The following EGF variants were observed in gnomAD, a reference collection of about 807,000 sequenced individuals.
EGF encodes pro-epidermal growth factor.
In EGF, 95 loss-of-function variants were observed where a neutral mutation model predicts 143.8. The observed-to-expected ratio is 0.66, with a 90% confidence interval of 0.56 to 0.78. EGF has a LOEUF of 0.78. EGF is among the 30% of genes least tolerant of loss of function. The pLI, the probability that EGF is intolerant of heterozygous loss-of-function variation, is 0.00. For missense variants in EGF, 1,320 were observed against 1,470.9 expected (o/e 0.90, Z 1.68); for synonymous variants, 510 against 510.5 (o/e 1.00, Z 0.01).
chr4:109,965,822 G>A (rs1255427580), intron 10 of EGF, among the ~76,000 whole-genome samples: 1 of 152,062 alleles, frequency 6.6e-6, no homozygotes, highest in East Asian at 1.9e-4. Context: ...TAGAGTTTGA[G>A]AAGCACAGTG....
At chr4:109,919,295 C>G (rs1241897066) in intron 1 of EGF, among the ~76,000 whole-genome samples, 121 of 63,696 alleles carry the variant, frequency 1.9e-3, no homozygotes, top group African/African-American at 8.9e-3. Flanking sequence ...CTGTCTCTCT[C>G]TCTCTCTCTC....
intron 1 of EGF, among the ~76,000 whole-genome samples, chr4:109,933,236 T>G (rs909019661): frequency 2.0e-5 from 3 of 152,188 alleles, no homozygotes; most frequent in Non-Finnish European, 4.4e-5. Context: ...TCCCAAGATG[T>G]CTACGTGATT....
chr4:109,978,779 TG>T (rs973285396), intron 13 of EGF, among the ~76,000 whole-genome samples: 4 of 152,350 alleles, frequency 2.6e-5, no homozygotes, highest in Non-Finnish European at 5.9e-5. Flanking sequence ...AAAATTCCCT[TG>T]CTGTACTTAA....
chr4:109,992,505 A>C (rs967911503), intron 18 of EGF: 1 of 152,210 alleles, frequency 6.6e-6, no homozygotes, highest in African/African-American at 2.4e-5. Context: ...GTGGGACTGT[A>C]AACTAGTTCA....
intron 4 of EGF, 77 bp downstream of exon 4, chr4:109,944,146 A>G (rs909350363): frequency 6.5e-5 from 94 of 1,444,630 alleles, no homozygotes; most frequent in East Asian, 4.1e-4. Flanking sequence ...ACTTTTGTCA[A>G]TGGAACTGGT....
intron 1 of EGF, among the ~76,000 whole-genome samples, chr4:109,913,818 T>C (rs545589025): frequency 6.6e-6 from 1 of 152,326 alleles, no homozygotes; most frequent in East Asian, 1.9e-4. Flanking sequence ...TGATTTTTTG[T>C]TTGTCTGTTT....
chr4:110,008,085 C>A, intron 22 of EGF, 67 bp from the exon 23 acceptor site: 1 of 1,397,028 alleles, frequency 7.2e-7, no homozygotes, highest in Non-Finnish European at 1.0e-6. Context: ...GACTTTGATT[C>A]AATGTACGTT....
intron 1 of EGF, among the ~76,000 whole-genome samples, chr4:109,933,828 G>T (rs1740259234): frequency 6.6e-6 from 1 of 152,162 alleles, no homozygotes; most frequent in Non-Finnish European, 1.5e-5. Context: ...ATTATCGATA[G>T]ACATTTGGGT....
chr4:109,943,266 A>T lies in EGF; in HGVS notation c.340A>T (p.Ile114Leu). The T allele has an allele frequency of 6.2e-7, 1 of 1,605,216 alleles. No individual in the cohort carries two copies. Residue 114 changes from isoleucine to leucine, a missense_variant, in exon 3 of 24, where the codon ATA becomes TTA. Ile to Leu is a conservative substitution (Grantham distance 5). This residue lies in a region of EGF where 41 missense variants were observed against 38.1 expected (regional missense o/e 1.07). Coordinates refer to ENST00000265171, the MANE Select transcript of EGF (RefSeq NM_001963.6). ...NGSRQERVCN[I>L]EKNVSGMAIN... is the part of the protein sequence containing the mutation. ...TTTGATTTTGCAGAGAGTATGTAAT[A>T]TAGAGAAAAATGTTTCTGGAATGGC...
chr4:109,980,165 C>T lies in EGF; in HGVS notation c.2221+26C>T, dbSNP rs781580305. 1.9e-6 allele frequency: 3 copies of T among 1,558,058 alleles called. No homozygotes were observed. In the East Asian group the frequency reaches 6.8e-5, roughly 36 times the overall value. On this transcript the variant is annotated intron_variant, in intron 14 of 23. Coordinates refer to ENST00000265171, the MANE Select transcript of EGF (RefSeq NM_001963.6). ...GTACATACTGGAGATGTTACACAGT[C>T]TTTCCTTGGCTGGAATCTGCAACTG...
At chr4:109,925,484 T>C (rs1470695079) in intron 1 of EGF, among the ~76,000 whole-genome samples, 1 of 152,220 alleles carries the variant, frequency 6.6e-6, no homozygotes, top group African/African-American at 2.4e-5. Flanking sequence ...CTGAGGTAAG[T>C]ATTACTATTA....
intron 7 of EGF, 61 bp from the exon 8 acceptor site, chr4:109,961,802 T>C (rs939923399): frequency 8.3e-5 from 133 of 1,605,406 alleles, no homozygotes; most frequent in African/African-American, 9.4e-5. Context: ...AGCAACTGAT[T>C]GCAATAAATT....
chr4:109,943,566 C>A, intron 3 of EGF, 131 bp downstream of exon 3: 1 of 1,002,274 alleles, frequency 1.0e-6, no homozygotes, highest in Non-Finnish European at 1.5e-6. Context: ...ACACAGGCAC[C>A]GTTTTCTATA....
intron 6 of EGF, 47 bp downstream of exon 6, chr4:109,959,484 A>C (rs1369832620): frequency 6.2e-7 from 1 of 1,612,176 alleles, no homozygotes; most frequent in Admixed American, 1.7e-5. Flanking sequence ...TCGCTGCTTG[A>C]GGGGAGGAAT....
At chr4:110,005,735 C>G (rs957929064) in intron 22 of EGF, among the ~76,000 whole-genome samples, 1 of 152,158 alleles carries the variant, frequency 6.6e-6, no homozygotes, top group African/African-American at 2.4e-5. Context: ...AGGACTGATT[C>G]AGTGTGTGCT....
rs1746227126 is a variant in EGF, at chr4:109,964,520, G to A, written c.1558G>A (p.Asp520Asn). 6.2e-7 allele frequency: 1 copy of A among 1,613,712 alleles called. No individual in the cohort carries two copies. Among genetic ancestry groups the A allele is most frequent in the Non-Finnish European group, 8.5e-7 (1 of 1,179,768 alleles). Residue 520 changes from aspartate to asparagine, a missense_variant, in exon 10 of 24, where the codon GAC becomes AAC. By Grantham distance (23) the Asp-to-Asn change is conservative. This residue lies in a region of EGF where 1,186 missense variants were observed against 1,313.7 expected (regional missense o/e 0.90). Transcript: ENST00000265171. ...QMGMVYALDH[D>N]PVENKIYFAH... ...GGGAATGGTTTATGCCCTAGATCAT[G>A]ACCCTGTGGAAAATAAGGTATGGTT...
intron 13 of EGF, among the ~76,000 whole-genome samples, chr4:109,979,683 G>C (rs1749040987): frequency 6.6e-6 from 1 of 152,168 alleles, no homozygotes; most frequent in African/African-American, 2.4e-5. Context: ...TCTCCTTCAT[G>C]GGGCTAGGAC....
intron 5 of EGF, among the ~76,000 whole-genome samples, chr4:109,954,702 TG>T (rs1430734219): frequency 6.6e-6 from 1 of 152,226 alleles, no homozygotes; most frequent in African/African-American, 2.4e-5. Context: ...ATATATTTTA[TG>T]TGCATGTTTA....
At chr4:109,981,717 G>A (rs1047384496) in intron 15 of EGF, among the ~76,000 whole-genome samples, 1 of 152,014 alleles carries the variant, frequency 6.6e-6, no homozygotes, top group South Asian at 2.1e-4. Context: ...CAAAAGTTAT[G>A]CAATGAAAAA....
Sources: allele counts gnomAD v4.1 joint callset (sites outside exome capture counted in the v4.1 genomes callset), GRCh38; gene constraint gnomAD v4.1.1; regional missense constraint gnomAD v4.1.1; transcripts MANE v1.5; gene names NCBI Gene and HGNC (gene_info 2026-07-23, HGNC 2026-07-21).